SLC13A1: variants seen among roughly 807,000 people sequenced by gnomAD.
SLC13A1 encodes the protein solute carrier family 13 member 1, also known as Na(+)/sulfate cotransporter.
A neutral mutation model predicts 70.0 loss-of-function variants in SLC13A1; 65 were observed. That is an observed-to-expected ratio of 0.93 (90% confidence interval 0.76 to 1.14). The LOEUF (loss-of-function observed/expected upper bound fraction) is 1.14. SLC13A1 is among the 50% of genes most tolerant of loss of function. SLC13A1 has a pLI of 0.00. For missense variants in SLC13A1, 726 were observed against 717.8 expected, an observed-to-expected ratio of 1.01 and a Z score of -0.13; for synonymous variants, 275 against 250.5, an observed-to-expected ratio of 1.10 and a Z score of -0.92.
chr7:123,168,008 T>G (rs1396059150), intron 6 of SLC13A1, among the ~76,000 whole-genome samples: 1 of 152,034 alleles, frequency 6.6e-6, no homozygotes, highest in African/African-American at 2.4e-5. Flanking sequence ...GCAATTCACC[T>G]GTACTACAAA....
At chr7:123,148,942 T>A (rs1258701769) in intron 6 of SLC13A1, among the ~76,000 whole-genome samples, 1 of 152,198 alleles carries the variant, frequency 6.6e-6, no homozygotes, top group Non-Finnish European at 1.5e-5. Context: ...GTATTAATTT[T>A]AAAATGGTAT....
chr7:123,120,307 T>G (rs1346527627), intron 12 of SLC13A1, among the ~76,000 whole-genome samples: 1 of 152,084 alleles, frequency 6.6e-6, no homozygotes, highest in Non-Finnish European at 1.5e-5. Flanking sequence ...TGAAAACCTT[T>G]TTCTTTTCTG....
chr7:123,155,780 A>C (rs997989625), intron 6 of SLC13A1, among the ~76,000 whole-genome samples: 2 of 152,114 alleles, frequency 1.3e-5, no homozygotes, highest in Non-Finnish European at 2.9e-5. Flanking sequence ...AGGAAGCATC[A>C]TCTGGCCTTC....
At chr7:123,148,789 T>C (rs1336797733) in intron 6 of SLC13A1, among the ~76,000 whole-genome samples, 3 of 152,152 alleles carry the variant, frequency 2.0e-5, no homozygotes, top group African/African-American at 7.2e-5. Context: ...GTTTGTGAGT[T>C]TGACTTTCTC....
intron 8 of SLC13A1, 63 bp downstream of exon 8, chr7:123,134,347 G>A: frequency 6.7e-7 from 1 of 1,502,876 alleles, no homozygotes; most frequent in Middle Eastern, 1.8e-4. Flanking sequence ...CATCGGATAA[G>A]AAGCTAAGAA....
chr7:123,119,323 A>G, intron 12 of SLC13A1, 81 bp from the exon 13 acceptor site: 1 of 982,234 alleles, frequency 1.0e-6, no homozygotes, highest in South Asian at 1.9e-5. Context: ...AAAAAACATT[A>G]TTTCCTTTGA....
chr7:123,154,548 A>G (rs770762307), intron 6 of SLC13A1, among the ~76,000 whole-genome samples: 1 of 152,144 alleles, frequency 6.6e-6, no homozygotes, highest in Non-Finnish European at 1.5e-5. Flanking sequence ...TGTTGCTTAT[A>G]GTACAGACTT....
intron 1 of SLC13A1, among the ~76,000 whole-genome samples, chr7:123,185,815 G>A (rs898552107): frequency 2.0e-5 from 3 of 151,978 alleles, no homozygotes; most frequent in Admixed American, 2.0e-4. Flanking sequence ...TCTTTAATGG[G>A]TAGGGTAGCC....
chr7:123,186,805 A>G (rs1301923601), intron 1 of SLC13A1: 1 of 452,596 alleles, frequency 2.2e-6, no homozygotes, highest in African/African-American at 2.0e-5. Flanking sequence ...GTATTTTAGT[A>G]TTATGAATTC....
intron 7 of SLC13A1, among the ~76,000 whole-genome samples, chr7:123,143,137 T>G (rs1794218332): frequency 6.6e-6 from 1 of 152,134 alleles, no homozygotes; most frequent in South Asian, 2.1e-4. Flanking sequence ...TCTCCTCTCC[T>G]CGAGCAGTAG....
intron 9 of SLC13A1, 59 bp downstream of exon 9, chr7:123,129,324 C>CTGTGTGTGTGTGTG (rs3837116): frequency 2.8e-6 from 2 of 708,552 alleles, no homozygotes; most frequent in African/African-American, 2.0e-5. Flanking sequence ...TCTCTCTTCT[C>CTGTGTGTGTGTGTG]TGTGTGTGTG....
At chr7:123,167,166 C>T (rs1176332437) in intron 6 of SLC13A1, among the ~76,000 whole-genome samples, 2 of 152,246 alleles carry the variant, frequency 1.3e-5, no homozygotes, top group South Asian at 2.1e-4. Flanking sequence ...ACTAGAAATA[C>T]TATTTGACCT....
rs12538571 is a variant in SLC13A1, at chr7:123,166,537, G to C, written c.660+1837C>G. Among the ~76,000 whole-genome samples the C allele has an allele frequency of 7.4e-3, 1,129 of 151,760 alleles. 8 individuals are homozygous for C. Among genetic ancestry groups the C allele is most frequent in the African/African-American group, 0.023 (965 of 41,278 alleles). The stretch of plus-strand genomic sequence containing the variant: ...TTAGGTATATCTCCTAATGCTATCC[G>C]TCCCCCCTTCCCCCACCACACAACA... On this transcript the variant is annotated intron_variant, in intron 6 of 14. Transcript: ENST00000194130.
chr7:123,135,521 C>A, intron 7 of SLC13A1, among the ~76,000 whole-genome samples: 1 of 151,914 alleles, frequency 6.6e-6, no homozygotes, highest in Non-Finnish European at 1.5e-5. Flanking sequence ...TGTTTGAAGT[C>A]ATAAAATATG....
chr7:123,185,122 C>T (rs1162227923), intron 1 of SLC13A1, among the ~76,000 whole-genome samples: 4 of 151,842 alleles, frequency 2.6e-5, no homozygotes, highest in Non-Finnish European at 5.9e-5. Context: ...GCTTATTTTT[C>T]AATTGGGTTA....
chr7:123,155,699 G>C (rs777382788), intron 6 of SLC13A1, among the ~76,000 whole-genome samples: 6 of 152,060 alleles, frequency 3.9e-5, no homozygotes, highest in Non-Finnish European at 4.4e-5. Context: ...AATGTCATCT[G>C]ACTTGGCCTT....
intron 3 of SLC13A1, among the ~76,000 whole-genome samples, chr7:123,169,900 T>C (rs896061961): frequency 4.6e-5 from 7 of 152,182 alleles, no homozygotes; most frequent in African/African-American, 1.4e-4. Flanking sequence ...TTAAAGTCAT[T>C]TGCTAAAATG....
At chr7:123,150,755 A>T (rs1014603329) in intron 6 of SLC13A1, among the ~76,000 whole-genome samples, 4 of 150,260 alleles carry the variant, frequency 2.7e-5, no homozygotes, top group South Asian at 2.1e-4. Context: ...TACTGAAAAA[A>T]CTCTGCTTTG....
intron 7 of SLC13A1, among the ~76,000 whole-genome samples, chr7:123,143,018 T>C (rs911001447): frequency 1.3e-5 from 2 of 152,096 alleles, no homozygotes; most frequent in Admixed American, 6.5e-5. Flanking sequence ...TCTAGAAATG[T>C]CGTCCTAAAG....
Sources: gnomAD v4.1 joint callset for allele counts (sites outside exome capture counted in the v4.1 genomes callset) on GRCh38, gnomAD v4.1.1 for gene constraint, MANE v1.5 for transcripts, NCBI Gene and HGNC (gene_info 2026-07-23, HGNC 2026-07-21) for gene names.